The following ADGRB3 variants were observed in gnomAD, a reference collection of about 807,000 sequenced individuals.
ADGRB3 encodes adhesion G protein-coupled receptor B3.
A neutral mutation model predicts 193.4 loss-of-function variants in ADGRB3; 37 were observed. The observed-to-expected ratio is 0.19, with a 90% CI of 0.15 to 0.25. ADGRB3 has a LOEUF of 0.25. Among genes scored for constraint, ADGRB3 ranks in the 10% least tolerant of loss-of-function variants. The probability of loss-of-function intolerance (pLI) is 1.00; values close to 1 mark genes in which losing one functional copy is unlikely to be tolerated. For synonymous variants in ADGRB3, 690 were observed against 644.2 expected (o/e 1.07, Z -1.08); for missense variants, 1,637 against 1,852.9 (o/e 0.88, Z 2.14).
chr6:68,937,841 T>G (rs1283897010), intron 5 of ADGRB3, among the ~76,000 whole-genome samples: 1 of 152,210 alleles, frequency 6.6e-6, no homozygotes, highest in African/African-American at 2.4e-5. Context: ...TCTGAATATC[T>G]GTTTCACAAC....
intron 3 of ADGRB3, among the ~76,000 whole-genome samples, chr6:68,834,908 TGTAA>T (rs949009911): frequency 1.3e-5 from 2 of 152,084 alleles, no homozygotes; most frequent in African/African-American, 2.4e-5. Context: ...TCAAATTGAA[TGTAA>T]GTATTTTTTT....
At chr6:68,771,872 G>A (rs764605923) in intron 3 of ADGRB3, among the ~76,000 whole-genome samples, 7 of 151,948 alleles carry the variant, frequency 4.6e-5, no homozygotes, top group Non-Finnish European at 4.4e-5. Flanking sequence ...AGGGGAAATC[G>A]GTGGTTTTCC....
At chr6:69,162,418 C>T (rs897877429) in intron 17 of ADGRB3, among the ~76,000 whole-genome samples, 6 of 152,044 alleles carry the variant, frequency 3.9e-5, no homozygotes, top group Non-Finnish European at 7.4e-5. Flanking sequence ...GATATTGCCC[C>T]TTTGTTTAAA....
At chr6:68,836,784 G>C (rs75126976) in intron 3 of ADGRB3, among the ~76,000 whole-genome samples, 291 of 152,220 alleles carry the variant, frequency 1.9e-3, no homozygotes, top group Non-Finnish European at 3.0e-3. Context: ...GAGCCCAGAA[G>C]TTTGAGACCA....
chr6:69,289,168 A>G (rs1767614230), intron 20 of ADGRB3, among the ~76,000 whole-genome samples: 1 of 152,178 alleles, frequency 6.6e-6, no homozygotes, highest in Non-Finnish European at 1.5e-5. Context: ...TTTTAAAGCA[A>G]TTGTAAAAGA....
At chr6:68,782,951 C>CG (rs1766885975) in intron 3 of ADGRB3, among the ~76,000 whole-genome samples, 1 of 151,658 alleles carries the variant, frequency 6.6e-6, no homozygotes, top group Non-Finnish European at 1.5e-5. Flanking sequence ...ATGAAATGAA[C>CG]GTTAACTCCG....
At chr6:69,337,260 A>G (rs1487563012) in intron 24 of ADGRB3, among the ~76,000 whole-genome samples, 2 of 152,086 alleles carry the variant, frequency 1.3e-5, no homozygotes, top group East Asian at 1.9e-4. Context: ...CATACAGCCT[A>G]TCTTCTGTGA....
chr6:68,772,707 C>A (rs957957678), intron 3 of ADGRB3, among the ~76,000 whole-genome samples: 24 of 151,020 alleles, frequency 1.6e-4, no homozygotes, highest in African/African-American at 4.9e-4. Flanking sequence ...ACAGAAATAG[C>A]CTTTATACCT....
intron 16 of ADGRB3, among the ~76,000 whole-genome samples, chr6:69,071,574 T>G (rs559693225): frequency 1.3e-5 from 2 of 152,282 alleles, no homozygotes; most frequent in African/African-American, 4.8e-5. Context: ...TAGAAACATG[T>G]AGAGTTCAGC....
At chr6:68,678,962 TG>T (rs1416815666) in intron 3 of ADGRB3, among the ~76,000 whole-genome samples, 4 of 152,206 alleles carry the variant, frequency 2.6e-5, no homozygotes, top group African/African-American at 7.2e-5. Flanking sequence ...TTTGAAGTTA[TG>T]CACACAAATA....
At chr6:68,650,347 T>A (rs1435115941) in intron 3 of ADGRB3, among the ~76,000 whole-genome samples, 2 of 152,202 alleles carry the variant, frequency 1.3e-5, no homozygotes, top group African/African-American at 2.4e-5. Context: ...GGTTTTTTTT[T>A]AATTGCATCA....
intron 3 of ADGRB3, among the ~76,000 whole-genome samples, chr6:68,843,125 T>C (rs963231249): frequency 1.3e-5 from 2 of 151,106 alleles, no homozygotes; most frequent in Admixed American, 1.3e-4. Flanking sequence ...TGAAACATGA[T>C]AAGGATGCGC....
chr6:69,006,107 ATT>A (rs35210212), intron 11 of ADGRB3, among the ~76,000 whole-genome samples: 2 of 150,958 alleles, frequency 1.3e-5, no homozygotes, highest in Admixed American at 6.6e-5. Flanking sequence ...ATTACTTACT[ATT>A]TTTTTTTAAG....
chr6:68,689,411 G>A (rs1016418732), intron 3 of ADGRB3, among the ~76,000 whole-genome samples: 1 of 152,114 alleles, frequency 6.6e-6, no homozygotes, highest in African/African-American at 2.4e-5. Context: ...AGGGTACAAA[G>A]CAGAGCAGAG....
intron 3 of ADGRB3, among the ~76,000 whole-genome samples, chr6:68,777,121 T>G (rs1225154387): frequency 6.6e-6 from 1 of 152,156 alleles, no homozygotes; most frequent in Non-Finnish European, 1.5e-5. Context: ...ATTTGAAGTT[T>G]GATAAGCTGC....
At chr6:68,925,917 C>T (rs540439562) in intron 3 of ADGRB3, among the ~76,000 whole-genome samples, 5 of 151,966 alleles carry the variant, frequency 3.3e-5, no homozygotes, top group Non-Finnish European at 7.4e-5. Context: ...TGTTTCAGGA[C>T]AGTGACACTT....
chr6:68,817,522 C>T (rs1767660936), intron 3 of ADGRB3, among the ~76,000 whole-genome samples: 1 of 150,948 alleles, frequency 6.6e-6, no homozygotes, highest in Non-Finnish European at 1.5e-5. Flanking sequence ...TGTAGTATGC[C>T]ACTAGAATGC....
intron 28 of ADGRB3, among the ~76,000 whole-genome samples, chr6:69,358,092 C>T (rs560789268): frequency 6.6e-6 from 1 of 151,866 alleles, no homozygotes; most frequent in Non-Finnish European, 1.5e-5. Flanking sequence ...TTGGTGTACT[C>T]ATTACAGTTC....
intron 26 of ADGRB3, among the ~76,000 whole-genome samples, chr6:69,349,352 T>A (rs1769174531): frequency 6.6e-6 from 1 of 152,210 alleles, no homozygotes; most frequent in African/African-American, 2.4e-5. Context: ...AGAGATTAAG[T>A]GATAGATCCT....
Sources: gnomAD v4.1 joint callset for allele counts (sites outside exome capture counted in the v4.1 genomes callset) on GRCh38, gnomAD v4.1.1 for gene constraint, MANE v1.5 for transcripts, NCBI Gene and HGNC (gene_info 2026-07-23, HGNC 2026-07-21) for gene names.